IGSF3: variants seen among roughly 807,000 people sequenced by gnomAD.
IGSF3 encodes immunoglobulin superfamily member 3, also known as glu-Trp-Ile EWI motif-containing protein 3.
IGSF3 carries 23 observed loss-of-function variants against 114.4 expected under a neutral mutation model. The ratio of observed to expected loss-of-function variants is 0.20; its 90% CI spans 0.14 to 0.28. IGSF3 has a LOEUF of 0.28. Ranked by LOEUF, IGSF3 falls within the 10% of genes least tolerant of loss-of-function variation. The pLI is 1.00. For missense variants in IGSF3, 1,172 were observed against 1,591.5 expected (o/e 0.74, Z 4.48); for synonymous variants, 571 against 645.2 (o/e 0.88, Z 1.74).
In IGSF3 at chr1:116,642,227, CCT is replaced by C. The variant is rs1440182525; in HGVS notation, c.43+24055_43+24056del. The stretch of plus-strand genomic sequence containing the variant: ...TGATTTTTAACATGTGCATGGATTA[CCT>C]CTTATTAGAAAAAAAAACACGAAAT... On this transcript the variant is annotated intron_variant, in intron 2 of 10. Coordinates refer to ENST00000369486, the MANE Select transcript of IGSF3 (RefSeq NM_001007237.3). This position sits in a 1 kb window ranked among gnomAD's most constrained non-coding sequence, Gnocchi z 5.4. Among the ~76,000 whole-genome samples the C allele has an allele frequency of 1.3e-5, 2 of 151,938 alleles. No homozygotes were observed. Among genetic ancestry groups the C allele is most frequent in the Non-Finnish European group, 2.9e-5 (2 of 68,012 alleles).
rs201510658 is a variant in IGSF3, at chr1:116,574,488, T to TA, written c.*2823dup. 734 of 152,736 alleles carry TA rather than the reference T, an allele frequency of 4.8e-3. 5 individuals carry two copies. The highest frequency in any genetic ancestry group is 7.3e-3 in the Admixed American group (112 of 15,306). 9.5% of individuals were successfully genotyped at this position (152,736 alleles called of 1,614,324 possible). A position where few individuals can be genotyped will look rare whatever the true frequency, so the allele number is the denominator to read the frequency against. On this transcript the variant is annotated 3_prime_UTR_variant, in exon 11 of 11. Coordinates refer to ENST00000369486, the MANE Select transcript of IGSF3 (RefSeq NM_001007237.3). This position sits in a 1 kb window ranked among gnomAD's most constrained non-coding sequence, Gnocchi z 5.2. Reference sequence around the variant, plus strand: ...CAACATCTTACAAATAGTTTTCCTTTAAAAAAACAGAAACAAATCAACAGC... The same window carrying TA: ...CAACATCTTACAAATAGTTTTCCTTTAAAAAAAACAGAAACAAATCAACAGC...
chr1:116,608,987 G>T (rs1182214727), intron 4 of IGSF3, among the ~76,000 whole-genome samples: 2 of 152,046 alleles, frequency 1.3e-5, no homozygotes, highest in African/African-American at 4.8e-5. Flanking sequence ...TCTCTAGTCA[G>T]ATTTCAATGG....
Position 116,650,678 on chromosome 1 carries a change from T to C in IGSF3, c.43+15606A>G, listed in dbSNP as rs1648597594. ...GGCAGGGACCAATACCACATATCTG[T>C]GTTTCCCCTCACTTGCCACCCCCAT... On this transcript the variant is annotated intron_variant, in intron 2 of 10. Transcript: ENST00000369486. This position sits in a 1 kb window ranked among gnomAD's most constrained non-coding sequence, Gnocchi z 5.0. Among the ~76,000 whole-genome samples, 1 of 152,208 alleles carries C rather than the reference T, an allele frequency of 6.6e-6. No homozygotes were observed. Among genetic ancestry groups the C allele is most frequent in the Non-Finnish European group, 1.5e-5 (1 of 68,028 alleles).
chr1:116,654,952 CG>C lies in IGSF3; in HGVS notation c.43+11331del, dbSNP rs1393141267. The stretch of plus-strand genomic sequence containing the variant: ...AGATACCCCCTCTTCCTGGTGGCAC[CG>C]GGCATTGGTAACTCATGGCTGTAAA... On this transcript the variant is annotated intron_variant, in intron 2 of 10. Coordinates refer to ENST00000369486, the MANE Select transcript of IGSF3 (RefSeq NM_001007237.3). The surrounding 1 kb of genome is among the most constrained non-coding windows in gnomAD (Gnocchi z 4.4). Among the ~76,000 whole-genome samples, 2 of 152,088 alleles carry C rather than the reference CG, an allele frequency of 1.3e-5. No individual in the cohort carries two copies. The highest frequency in any genetic ancestry group is 2.9e-5 in the Non-Finnish European group (2 of 68,030).
At position 116,666,532 on chromosome 1, in the gene IGSF3, C is replaced by T; in HGVS notation, c.-206G>A. The T allele has an allele frequency of 1.6e-6, 1 of 618,770 alleles. No homozygotes were observed. Among genetic ancestry groups the T allele is most frequent in the Non-Finnish European group, 2.9e-6 (1 of 348,792 alleles). The allele number at this position is 618,770 out of a possible 1,614,324, so 38.3% of individuals were successfully genotyped here. ...AGTGGAGGCAAGTGTGAAAACTCCC[C>T]TATGCTACAGGAAGGGTCCACAACA... is the stretch of plus-strand genomic sequence containing the variant. On this transcript the variant is annotated 5_prime_UTR_variant, in exon 2 of 11. The change abolishes the stop of an existing upstream ORF in the 5' untranslated region. Coordinates refer to ENST00000369486, the MANE Select transcript of IGSF3 (RefSeq NM_001007237.3).
At chr1:116,581,362 T>C (rs988082884) in intron 9 of IGSF3, among the ~76,000 whole-genome samples, 53 of 149,790 alleles carry the variant, frequency 3.5e-4, no homozygotes, top group African/African-American at 1.3e-3. Flanking sequence ...CTGTAATATG[T>C]TCTAAACAAA....
In IGSF3 at chr1:116,585,844, C is replaced by G. The variant is rs1032848038; in HGVS notation, c.2441-792G>C. Among the ~76,000 whole-genome samples the G allele has an allele frequency of 6.6e-6, 1 of 152,056 alleles. No individual in the cohort carries two copies. Among genetic ancestry groups the G allele is most frequent in the Non-Finnish European group, 1.5e-5 (1 of 68,010 alleles). On this transcript the variant is annotated intron_variant, in intron 8 of 10. Transcript: ENST00000369486. This position sits in a 1 kb window ranked among gnomAD's most constrained non-coding sequence, Gnocchi z 4.9. The stretch of plus-strand genomic sequence containing the variant: ...GGTGAAGGTTGCAGTGAGCTAAGAT[C>G]GTGCCATTGCACACTCCAGCCTGTG...
chr1:116,580,181 T>A (rs900862496), intron 9 of IGSF3, among the ~76,000 whole-genome samples: 1 of 152,206 alleles, frequency 6.6e-6, no homozygotes, highest in Admixed American at 6.5e-5. Context: ...GTAGTGTGGT[T>A]CCTTATGGGA....
intron 2 of IGSF3, among the ~76,000 whole-genome samples, chr1:116,660,937 T>C (rs1304778561): frequency 6.6e-6 from 1 of 152,228 alleles, no homozygotes; most frequent in Non-Finnish European, 1.5e-5. Flanking sequence ...TGAATTTCCT[T>C]ATCTTGATCA....
Position 116,584,542 on chromosome 1 carries a change from T to C in IGSF3, c.2848+103A>G. On this transcript the variant is annotated intron_variant, in intron 9 of 10. Transcript: ENST00000369486. The surrounding 1 kb of genome is among the most constrained non-coding windows in gnomAD (Gnocchi z 5.8). ...ACATGTAGACACTCATATATTTAAC[T>C]GCAAATAATTTATTAATAAACTAAT... The C allele has an allele frequency of 1.7e-6, 2 of 1,171,594 alleles. No homozygotes were observed. The highest frequency in any genetic ancestry group is 2.0e-5 in the Admixed American group (1 of 49,710). 72.6% of individuals were successfully genotyped at this position (1,171,594 alleles called of 1,614,324 possible).
At position 116,654,764 on chromosome 1, in the gene IGSF3, C is replaced by A. The variant is rs1648777490; in HGVS notation, c.43+11520G>T. Among the ~76,000 whole-genome samples the A allele has an allele frequency of 6.6e-6, 1 of 152,190 alleles. No individual in the cohort carries two copies. The highest frequency in any genetic ancestry group is 2.4e-5 in the African/African-American group (1 of 41,446). The stretch of plus-strand genomic sequence containing the variant: ...CTAGGTGTGAAATTCCCAATTCCCA[C>A]ACACAAGCAACATCCCCAGCAGTAA... On this transcript the variant is annotated intron_variant, in intron 2 of 10. Coordinates refer to ENST00000369486, the MANE Select transcript of IGSF3 (RefSeq NM_001007237.3). This position sits in a 1 kb window ranked among gnomAD's most constrained non-coding sequence, Gnocchi z 4.4.
At position 116,596,928 on chromosome 1, in the gene IGSF3, T is replaced by G. The variant is rs1660367502; in HGVS notation, c.2029+3013A>C. 6.6e-6 allele frequency among the ~76,000 whole-genome samples: 1 copy of G among 152,238 alleles called. No homozygotes were observed. The highest frequency in any genetic ancestry group is 1.5e-5 in the Non-Finnish European group (1 of 68,040). On this transcript the variant is annotated intron_variant, in intron 7 of 10. Transcript: ENST00000369486. This position sits in a 1 kb window ranked among gnomAD's most constrained non-coding sequence, Gnocchi z 4.1. ...CAAGAAATGCTCAGTGAATATTAGC[T>G]GCTACTGTTGTTACTACCAGTAACA...
rs189019047 is a variant in IGSF3 at position 116,612,664 on chromosome 1, C to A, written c.832+1101G>T. ...AGGACCCCACCTGTACTGCAACTCA[C>A]CAGGTCATTTCCCACAAGCCACACT... On this transcript the variant is annotated intron_variant, in intron 4 of 10. Transcript: ENST00000369486. The surrounding 1 kb of genome is among the most constrained non-coding windows in gnomAD (Gnocchi z 4.1). Among the ~76,000 whole-genome samples, 2 of 152,384 alleles carry A rather than the reference C, an allele frequency of 1.3e-5. No homozygotes were observed. Among genetic ancestry groups the A allele is most frequent in the East Asian group, 3.9e-4 (2 of 5,194 alleles).
intron 7 of IGSF3, among the ~76,000 whole-genome samples, chr1:116,597,746 T>A (rs1409129893): frequency 6.6e-6 from 1 of 152,212 alleles, no homozygotes; most frequent in Non-Finnish European, 1.5e-5. Flanking sequence ...GAGGCAATTA[T>A]GGTATAAAGG....
intron 2 of IGSF3, among the ~76,000 whole-genome samples, chr1:116,639,128 G>GA (rs1647965830): frequency 6.6e-6 from 1 of 152,200 alleles, no homozygotes; most frequent in Non-Finnish European, 1.5e-5. Flanking sequence ...AGGGACAGGT[G>GA]AGGCACAGGC....
intron 6 of IGSF3, among the ~76,000 whole-genome samples, chr1:116,601,040 CT>C (rs1232258297): frequency 6.6e-6 from 1 of 152,234 alleles, no homozygotes; most frequent in Non-Finnish European, 1.5e-5. Context: ...CCTGGAAATA[CT>C]GTTTAATATT....
chr1:116,599,059 A>G (rs1660461682), intron 7 of IGSF3, among the ~76,000 whole-genome samples: 1 of 152,112 alleles, frequency 6.6e-6, no homozygotes, highest in Non-Finnish European at 1.5e-5. Context: ...ATTGTGGGAG[A>G]AAGACAACCG....
intron 2 of IGSF3, among the ~76,000 whole-genome samples, chr1:116,645,207 A>G (rs1648306053): frequency 6.6e-6 from 1 of 152,280 alleles, no homozygotes; most frequent in South Asian, 2.1e-4. Flanking sequence ...ACACAAGAAC[A>G]TGGAGGGATC....
chr1:116,584,943 G>A lies in IGSF3; in HGVS notation c.2550C>T (p.Leu850=). 4 of 1,612,542 alleles carry A rather than the reference G, an allele frequency of 2.5e-6. No individual in the cohort carries two copies. Among genetic ancestry groups the A allele is most frequent in the Non-Finnish European group, 2.5e-6 (3 of 1,178,634 alleles). The part of the protein sequence containing the change: ...VLNRTSITSQ[L]MVEWFVWKPN... ...GCTTCCATACAAACCATTCCACCAT[G>A]AGCTGGGAGGTTATGCTGGTGCGGT... The change falls in exon 9 of 11, where the codon CTC becomes CTT. Residue 850 remains leucine (L), a synonymous_variant. Transcript: ENST00000369486. The surrounding 1 kb of genome is among the most constrained non-coding windows in gnomAD (Gnocchi z 5.8).
Sources: gnomAD v4.1 joint callset for allele counts (sites outside exome capture counted in the v4.1 genomes callset) on GRCh38, gnomAD v4.1.1 for gene constraint, Gnocchi (gnomAD v3.1) non-coding constraint, MANE v1.5 for transcripts, NCBI Gene and HGNC (gene_info 2026-07-23, HGNC 2026-07-21) for gene names.